The following GPC6 variants were observed in gnomAD, a reference collection of about 807,000 sequenced individuals.
GPC6 encodes the protein glypican-6.
GPC6 carries 14 observed loss-of-function variants against 55.2 expected under a neutral mutation model. The ratio of observed to expected loss-of-function variants is 0.25; its 90% confidence interval spans 0.17 to 0.40. The LOEUF is 0.40. Ranked by LOEUF, GPC6 falls within the 10% of genes least tolerant of loss-of-function variation. GPC6 has a pLI of 1.00. For synonymous variants in GPC6, 278 were observed against 259.6 expected, an observed-to-expected ratio of 1.07 and a Z score of -0.68; for missense variants, 641 against 708.5, an observed-to-expected ratio of 0.90 and a Z score of 1.08.
intron 1 of GPC6, among the ~76,000 whole-genome samples, chr13:93,365,742 T>C (rs535396659): frequency 1.4e-4 from 22 of 152,056 alleles, no homozygotes; most frequent in Non-Finnish European, 2.4e-4. Context: ...ACCAGATGAC[T>C]GTGTATGGTA....
chr13:94,041,930 ACATACGTAAC>A (rs1883550567), intron 4 of GPC6, among the ~76,000 whole-genome samples: 1 of 151,922 alleles, frequency 6.6e-6, no homozygotes. Context: ...TTAACAACAT[ACATACGTAAC>A]CATATGATAT....
chr13:93,812,155 G>A (rs1489783884), intron 2 of GPC6, among the ~76,000 whole-genome samples: 4 of 103,224 alleles, frequency 3.9e-5, no homozygotes, highest in African/African-American at 7.1e-5. Context: ...GGGGGGGGGC[G>A]GGGGGTGGGT....
intron 4 of GPC6, among the ~76,000 whole-genome samples, chr13:94,193,817 G>T (rs1380300518): frequency 1.3e-5 from 2 of 152,148 alleles, no homozygotes; most frequent in Admixed American, 1.3e-4. Flanking sequence ...TTTGGCTTTT[G>T]TCCACAGTTG....
At chr13:93,529,435 C>A (rs1448320358) in intron 1 of GPC6, among the ~76,000 whole-genome samples, 1 of 149,440 alleles carries the variant, frequency 6.7e-6, no homozygotes, top group Non-Finnish European at 1.5e-5. Context: ...ATTATGTGGT[C>A]TTATACAGCT....
intron 1 of GPC6, among the ~76,000 whole-genome samples, chr13:93,354,362 T>TG (rs796925932): frequency 1.4e-5 from 2 of 146,236 alleles, no homozygotes; most frequent in Non-Finnish European, 1.5e-5. Context: ...TTTTTTTTTT[T>TG]TTTTTTGAGA....
intron 1 of GPC6, among the ~76,000 whole-genome samples, chr13:93,468,900 A>G (rs1354085620): frequency 6.6e-6 from 1 of 152,166 alleles, no homozygotes; most frequent in Non-Finnish European, 1.5e-5. Context: ...AAATGACACT[A>G]ATTAGACTGT....
intron 1 of GPC6, among the ~76,000 whole-genome samples, chr13:93,475,880 G>T (rs947846618): frequency 2.0e-5 from 3 of 152,170 alleles, no homozygotes; most frequent in South Asian, 4.1e-4. Flanking sequence ...ATTTGAACAA[G>T]CATTTCTGTT....
chr13:94,399,082 C>A (rs541338500), intron 8 of GPC6, among the ~76,000 whole-genome samples: 16 of 152,294 alleles, frequency 1.1e-4, no homozygotes, highest in Admixed American at 9.2e-4. Context: ...TAATTAGAGT[C>A]TCTACAAATT....
rs1399299397 is a variant in GPC6 at position 93,573,080 on chromosome 13, C to G, written c.319+27659C>G. 4.6e-5 allele frequency among the ~76,000 whole-genome samples: 7 copies of G among 151,986 alleles called. No individual in the cohort carries two copies. The South Asian group carries it at 1.5e-3, about 32-fold the overall frequency. Reference sequence around the variant, plus strand: ...TGTTCTGTAAAAAGTCAATAGATATCTATTGAGTGCATATTGTATGCCATA... The same window carrying G: ...TGTTCTGTAAAAAGTCAATAGATATGTATTGAGTGCATATTGTATGCCATA... On this transcript the variant is annotated intron_variant, in intron 2 of 8. Coordinates refer to ENST00000377047, the MANE Select transcript of GPC6 (RefSeq NM_005708.5).
chr13:94,202,258 C>T (rs1889775472), intron 4 of GPC6, among the ~76,000 whole-genome samples: 1 of 152,148 alleles, frequency 6.6e-6, no homozygotes, highest in African/African-American at 2.4e-5. Context: ...TGATATATTT[C>T]ACTAAATAAA....
intron 1 of GPC6, among the ~76,000 whole-genome samples, chr13:93,324,486 A>G (rs1287280555): frequency 6.7e-6 from 1 of 149,446 alleles, no homozygotes; most frequent in Non-Finnish European, 1.5e-5. Flanking sequence ...CCCATTCTTT[A>G]TCATGTGGTT....
intron 5 of GPC6, among the ~76,000 whole-genome samples, chr13:94,287,150 G>T (rs1759830658): frequency 6.6e-6 from 1 of 152,152 alleles, no homozygotes; most frequent in African/African-American, 2.4e-5. Flanking sequence ...AAATTGAGAA[G>T]TTTGCAGTGG....
At chr13:93,679,656 A>G (rs1407739465) in intron 2 of GPC6, among the ~76,000 whole-genome samples, 6 of 152,256 alleles carry the variant, frequency 3.9e-5, no homozygotes, top group Admixed American at 1.3e-4. Context: ...GTATCTAGTC[A>G]GAGACCTCAA....
intron 4 of GPC6, among the ~76,000 whole-genome samples, chr13:94,197,714 G>A (rs770129576): frequency 2.6e-4 from 39 of 152,072 alleles, no homozygotes; most frequent in Admixed American, 3.9e-4. Context: ...AATTCAGCCC[G>A]TAACAATAAC....
chr13:93,773,239 T>C (rs1463334350), intron 2 of GPC6, among the ~76,000 whole-genome samples: 1 of 152,214 alleles, frequency 6.6e-6, no homozygotes, highest in Non-Finnish European at 1.5e-5. Context: ...TGGATTCACT[T>C]TTTCAGGAAC....
At chr13:94,151,694 C>T (rs533580487) in intron 4 of GPC6, among the ~76,000 whole-genome samples, 2 of 152,180 alleles carry the variant, frequency 1.3e-5, no homozygotes, top group East Asian at 3.9e-4. Context: ...CAATGGTGCA[C>T]AGGTAGACAA....
chr13:94,265,452 C>T (rs1306753425), intron 4 of GPC6, among the ~76,000 whole-genome samples: 1 of 152,152 alleles, frequency 6.6e-6, no homozygotes, highest in Non-Finnish European at 1.5e-5. Context: ...TTATTCTAGC[C>T]ATGCTGGCAG....
chr13:93,297,510 G>A lies in GPC6; in HGVS notation c.160+69894G>A, dbSNP rs1002198967. 2.0e-5 allele frequency among the ~76,000 whole-genome samples: 3 copies of A among 152,052 alleles called. 1 individual carries two copies. In the East Asian group the frequency reaches 5.8e-4, roughly 29 times the overall value. On this transcript the variant is annotated intron_variant, in intron 1 of 8. Transcript: ENST00000377047. ...GCTGAGTGTGTTAGCGTGCACCTGT[G>A]GTCCCAGCTACTTGGGAGGCTGAGG...
chr13:93,958,494 T>G (rs2140380496), intron 3 of GPC6, among the ~76,000 whole-genome samples: 1 of 152,314 alleles, frequency 6.6e-6, no homozygotes, highest in East Asian at 1.9e-4. Flanking sequence ...TTGTCAATCA[T>G]CAGATGGTTA....
Sources: allele counts gnomAD v4.1 joint callset (sites outside exome capture counted in the v4.1 genomes callset), GRCh38; gene constraint gnomAD v4.1.1; transcripts MANE v1.5; gene names NCBI Gene and HGNC (gene_info 2026-07-23, HGNC 2026-07-21).